Variants in SCARB2 observed in about 807,000 individuals in gnomAD.
SCARB2 encodes lysosome membrane protein 2.
Under a neutral mutation model 58.6 loss-of-function variants are expected in SCARB2, and 29 were observed. The observed-to-expected ratio is 0.49, with a 90% CI of 0.37 to 0.67. The LOEUF (loss-of-function observed/expected upper bound fraction) is 0.67, where lower values mean the gene tolerates loss of function less well. SCARB2 is among the 30% of genes least tolerant of loss of function. The pLI is 0.00. For synonymous variants in SCARB2, 195 were observed against 210.1 expected, an observed-to-expected ratio of 0.93 and a Z score of 0.62; for missense variants, 488 against 578.5, an observed-to-expected ratio of 0.84 and a Z score of 1.60.
chr4:76,207,229 T>C (rs1180448783), intron 1 of SCARB2, among the ~76,000 whole-genome samples: 1 of 152,216 alleles, frequency 6.6e-6, no homozygotes, highest in Non-Finnish European at 1.5e-5. Context: ...TATATAATGA[T>C]GTCATATTGG....
At chr4:76,189,752 A>G (rs1732564546) in intron 2 of SCARB2, among the ~76,000 whole-genome samples, 1 of 152,104 alleles carries the variant, frequency 6.6e-6, no homozygotes, top group Non-Finnish European at 1.5e-5. Context: ...GAATATAGGC[A>G]TCAGCCACCA....
At chr4:76,203,540 A>G (rs574632459) in intron 1 of SCARB2, among the ~76,000 whole-genome samples, 1 of 152,344 alleles carries the variant, frequency 6.6e-6, no homozygotes, top group Admixed American at 6.5e-5. Context: ...AGTTTTTACC[A>G]TGTATGAAGT....
intron 1 of SCARB2, among the ~76,000 whole-genome samples, chr4:76,210,545 G>A (rs1733023667): frequency 6.6e-6 from 1 of 152,200 alleles, no homozygotes; most frequent in Non-Finnish European, 1.5e-5. Flanking sequence ...CTTCATGAAG[G>A]CCCAAACGCT....
intron 1 of SCARB2, among the ~76,000 whole-genome samples, chr4:76,210,095 A>C (rs531728710): frequency 6.6e-6 from 1 of 152,364 alleles, no homozygotes; most frequent in African/African-American, 2.4e-5. Context: ...CACAGATGAC[A>C]AATATAGCTA....
chr4:76,163,171 AT>A (rs1178722536), intron 11 of SCARB2, 53 bp downstream of exon 11: 4 of 1,608,452 alleles, frequency 2.5e-6, no homozygotes, highest in Middle Eastern at 3.3e-4. Context: ...GTACAGTTGA[AT>A]TCCTCAGGTA....
At chr4:76,162,076 G>T in intron 11 of SCARB2, 1 of 390,004 alleles carries the variant, frequency 2.6e-6, no homozygotes, top group Middle Eastern at 7.6e-4. Context: ...TGTCTCAGAG[G>T]TATTAGTTCT....
intron 11 of SCARB2, chr4:76,161,952 A>G (rs982622678): frequency 1.6e-6 from 1 of 637,734 alleles, no homozygotes; most frequent in African/African-American, 1.8e-5. Context: ...GCCTTCTCTG[A>G]CCACTCCCAC....
intron 3 of SCARB2, chr4:76,180,057 A>ATGATACGGCGACC: frequency 2.8e-6 from 1 of 359,292 alleles, no homozygotes; most frequent in Non-Finnish European, 5.4e-6. Context: ...GCTCATTATA[A>ATGATACGGCGACC]ACCCGACCTA....
chr4:76,197,376 G>GCCA lies in SCARB2; in HGVS notation c.118-1515_118-1513dup, dbSNP rs536973320. Among the ~76,000 whole-genome samples the GCCA allele has an allele frequency of 4.1e-3, 622 of 152,336 alleles. 4 individuals are homozygous for GCCA. Among genetic ancestry groups the GCCA allele is most frequent in the African/African-American group, 0.014 (577 of 41,574 alleles). On this transcript the variant is annotated intron_variant, in intron 1 of 11. Coordinates refer to ENST00000264896, the MANE Select transcript of SCARB2 (RefSeq NM_005506.4). Reference sequence around the variant, plus strand: ...AGTTTCTATCTGCCACCTTGAAGTTGCCACCCTTGGAAAAGAGAAGAGCAG... The same window carrying GCCA: ...AGTTTCTATCTGCCACCTTGAAGTTGCCACCACCCTTGGAAAAGAGAAGAGCAG...
intron 2 of SCARB2, among the ~76,000 whole-genome samples, chr4:76,182,391 C>T (rs573182280): frequency 4.6e-5 from 7 of 152,092 alleles, no homozygotes; most frequent in African/African-American, 1.7e-4. Flanking sequence ...TGAAATGATG[C>T]TATTTCAGTT....
intron 2 of SCARB2, 36 bp downstream of exon 2, chr4:76,195,669 CTG>C (rs1218440540): frequency 2.5e-6 from 4 of 1,596,944 alleles, no homozygotes; most frequent in African/African-American, 2.7e-5. Flanking sequence ...TGGGGTCACT[CTG>C]TATTTCTTTC....
chr4:76,185,660 G>C (rs1732469518), intron 2 of SCARB2, among the ~76,000 whole-genome samples: 1 of 152,164 alleles, frequency 6.6e-6, no homozygotes, highest in Non-Finnish European at 1.5e-5. Context: ...ATTAACATCG[G>C]TATATCTAAT....
chr4:76,233,571 A>G (rs1025363245), intron 1 of SCARB2, among the ~76,000 whole-genome samples: 1 of 82,436 alleles, frequency 1.2e-5, no homozygotes, highest in African/African-American at 4.4e-5. Flanking sequence ...TTTTACAGAC[A>G]TCACACACAC....
chr4:76,167,601 A>T (rs1732034154), intron 9 of SCARB2, among the ~76,000 whole-genome samples: 1 of 151,860 alleles, frequency 6.6e-6, no homozygotes, highest in South Asian at 2.1e-4. Flanking sequence ...CAGCCTACAG[A>T]ACTGTAAGCC....
chr4:76,208,731 T>C (rs1482759308), intron 1 of SCARB2, among the ~76,000 whole-genome samples: 1 of 152,118 alleles, frequency 6.6e-6, no homozygotes, highest in South Asian at 2.1e-4. Flanking sequence ...CTTCCAGATT[T>C]ACAGAAACAA....
chr4:76,209,012 T>A (rs992886969), intron 1 of SCARB2, among the ~76,000 whole-genome samples: 3 of 152,188 alleles, frequency 2.0e-5, no homozygotes, highest in Non-Finnish European at 4.4e-5. Context: ...GGGTTCAGGA[T>A]CAGAAGGCTA....
intron 1 of SCARB2, among the ~76,000 whole-genome samples, chr4:76,233,584 ACG>A (rs1733529302): frequency 1.9e-4 from 3 of 15,818 alleles, no homozygotes; most frequent in Middle Eastern, 0.083. Context: ...ACACACACAC[ACG>A]CACACACACA....
intron 11 of SCARB2, chr4:76,162,843 G>C (rs898253069): frequency 7.5e-6 from 3 of 401,424 alleles, no homozygotes; most frequent in Non-Finnish European, 9.1e-6. Flanking sequence ...AGTTTCTAGG[G>C]TCGTATAGCT....
At chr4:76,167,721 C>T (rs1346009694) in intron 9 of SCARB2, among the ~76,000 whole-genome samples, 11 of 122,012 alleles carry the variant, frequency 9.0e-5, no homozygotes, top group Admixed American at 3.1e-4. Flanking sequence ...CTTGCTCTGT[C>T]GCCAGACTGG....
Sources: allele counts gnomAD v4.1 joint callset (sites outside exome capture counted in the v4.1 genomes callset), GRCh38; gene constraint gnomAD v4.1.1; transcripts MANE v1.5; gene names NCBI Gene and HGNC (gene_info 2026-07-23, HGNC 2026-07-21).